Variants in LIN28A observed in about 807,000 individuals in gnomAD.
LIN28A encodes protein lin-28 homolog A.
In LIN28A, 11 loss-of-function variants were observed where a neutral mutation model predicts 21.1. That is an observed-to-expected ratio of 0.52 (90% CI 0.33 to 0.86). The LOEUF is 0.86. LIN28A is among the 40% of genes least tolerant of loss of function. The probability of loss-of-function intolerance (pLI) is 0.03; values close to 1 mark genes in which losing one functional copy is unlikely to be tolerated. For synonymous variants in LIN28A, 111 were observed against 108.7 expected (o/e 1.02, Z -0.13); for missense variants, 219 against 279.8 (o/e 0.78, Z 1.55).
chr1:26,414,942 G>T (rs2074984465), intron 2 of LIN28A, among the ~76,000 whole-genome samples: 1 of 152,102 alleles, frequency 6.6e-6, no homozygotes. Flanking sequence ...ATTTTCCTGA[G>T]ATTCATCAAG....
chr1:26,416,242 C>T (rs575189946), intron 2 of LIN28A, among the ~76,000 whole-genome samples: 82 of 152,272 alleles, frequency 5.4e-4, no homozygotes, highest in Middle Eastern at 3.4e-3. Flanking sequence ...ATCCACCTGC[C>T]TGGGACTCCC....
rs1407615100 is a variant in LIN28A at position 26,428,155 on chromosome 1, G to A, written c.*1697G>A. 7 of 152,568 alleles carry A rather than the reference G, an allele frequency of 4.6e-5. No homozygotes were observed. Among genetic ancestry groups the A allele is most frequent in the Non-Finnish European group, 1.0e-4 (7 of 68,036 alleles). 9.5% of individuals were successfully genotyped at this position (152,568 alleles called of 1,614,324 possible). Reference sequence around the variant, plus strand: ...ATTGGTCTTTCTCCGTGTTCTTTGGGGGTTTTGTTTACAAACTTCTTTTTG... The same window carrying A: ...ATTGGTCTTTCTCCGTGTTCTTTGGAGGTTTTGTTTACAAACTTCTTTTTG... On this transcript the variant is annotated 3_prime_UTR_variant, in exon 4 of 4. Coordinates refer to ENST00000326279, the MANE Select transcript of LIN28A (RefSeq NM_024674.6).
intron 2 of LIN28A, among the ~76,000 whole-genome samples, chr1:26,418,746 G>A (rs2075011885): frequency 1.3e-5 from 2 of 152,142 alleles, no homozygotes; most frequent in African/African-American, 4.8e-5. Context: ...CCAAGGGGAG[G>A]GGGTCCTGTT....
chr1:26,425,512 T>C (rs746813709), intron 3 of LIN28A, 25 bp downstream of exon 3: 22 of 1,607,472 alleles, frequency 1.4e-5, no homozygotes, highest in Non-Finnish European at 1.8e-5. Context: ...GCAGCTTATA[T>C]AGGTTGCTAA....
Position 26,411,672 on chromosome 1 carries a change from GC to G in LIN28A, c.228+92del. 1 of 1,298,758 alleles carries G rather than the reference GC, an allele frequency of 7.7e-7. No individual in the cohort carries two copies. The highest frequency in any genetic ancestry group is 2.2e-5 in the Admixed American group (1 of 45,100). 80.5% of individuals were successfully genotyped at this position (1,298,758 alleles called of 1,614,324 possible). On this transcript the variant is annotated intron_variant, in intron 2 of 3. Transcript: ENST00000326279. This position sits in a 1 kb window ranked among gnomAD's most constrained non-coding sequence, Gnocchi z 5.4. ...CTCCGGGCTCGCAGTTGAATTGAGG[GC>G]CATCGGGAGCCCTCATTATGCATCC...
chr1:26,418,261 C>T (rs894120740), intron 2 of LIN28A, among the ~76,000 whole-genome samples: 1 of 152,006 alleles, frequency 6.6e-6, no homozygotes, highest in Non-Finnish European at 1.5e-5. Context: ...AAAAGAAATG[C>T]TTGGGGTGGG....
chr1:26,416,980 C>A (rs1344545878), intron 2 of LIN28A, among the ~76,000 whole-genome samples: 1 of 141,142 alleles, frequency 7.1e-6, no homozygotes, highest in Non-Finnish European at 1.5e-5. Flanking sequence ...AATATAAGAA[C>A]TGAGTTTCTG....
chr1:26,426,213 C>T (rs2075058345), intron 3 of LIN28A, 29 bp from the exon 4 acceptor site: 1 of 1,594,098 alleles, frequency 6.3e-7, no homozygotes. Flanking sequence ...GCTCCTTTCT[C>T]TTACTTTTAC....
At chr1:26,412,648 G>A (rs939778305) in intron 2 of LIN28A, among the ~76,000 whole-genome samples, 2 of 152,030 alleles carry the variant, frequency 1.3e-5, no homozygotes, top group African/African-American at 4.8e-5. Flanking sequence ...GCAGGGAGGG[G>A]TTACTTAAGG....
At position 26,427,676 on chromosome 1, in the gene LIN28A, C is replaced by T. The variant is rs1361067017; in HGVS notation, c.*1218C>T. The T allele has an allele frequency of 6.6e-6, 1 of 152,174 alleles. No homozygotes were observed. Among genetic ancestry groups the T allele is most frequent in the African/African-American group, 2.4e-5 (1 of 41,424 alleles). 9.4% of individuals were successfully genotyped at this position (152,174 alleles called of 1,614,324 possible). On this transcript the variant is annotated 3_prime_UTR_variant, in exon 4 of 4. Coordinates refer to ENST00000326279, the MANE Select transcript of LIN28A (RefSeq NM_024674.6). ...CAGATTAGGTTAGGCCTACCATGTG[C>T]CACAGGGTGTGTGTGTGTTTGTAAA...
chr1:26,417,178 G>A (rs1004576678), intron 2 of LIN28A, among the ~76,000 whole-genome samples: 1 of 152,168 alleles, frequency 6.6e-6, no homozygotes, highest in Admixed American at 6.5e-5. Flanking sequence ...AGGCGCCCTC[G>A]GGCTTACCTT....
At position 26,421,084 on chromosome 1, in the gene LIN28A, C is replaced by T. The variant is rs530915066; in HGVS notation, c.229-4219C>T. 2.0e-5 allele frequency among the ~76,000 whole-genome samples: 3 copies of T among 151,944 alleles called. No homozygotes were observed. In the South Asian group the frequency reaches 6.2e-4, roughly 31 times the overall value. On this transcript the variant is annotated intron_variant, in intron 2 of 3. Transcript: ENST00000326279. Reference sequence around the variant, plus strand: ...TAACTGCTTTATAAATATCAGTGTCCTTAAATTTTGGTACAAACGTGCAGT... The same window carrying T: ...TAACTGCTTTATAAATATCAGTGTCTTTAAATTTTGGTACAAACGTGCAGT...
chr1:26,425,593 C>T (rs1204245031), intron 3 of LIN28A, 106 bp downstream of exon 3: 14 of 1,088,434 alleles, frequency 1.3e-5, no homozygotes, highest in African/African-American at 7.9e-5. Flanking sequence ...AGCCTGTGGT[C>T]CCTGGCAGCA....
intron 2 of LIN28A, among the ~76,000 whole-genome samples, chr1:26,414,127 G>T (rs1413176799): frequency 1.3e-5 from 2 of 152,028 alleles, no homozygotes; most frequent in Non-Finnish European, 1.5e-5. Flanking sequence ...CCACTCTTCT[G>T]CATTTGTGAA....
At chr1:26,420,315 G>A (rs915156457) in intron 2 of LIN28A, among the ~76,000 whole-genome samples, 6 of 152,058 alleles carry the variant, frequency 3.9e-5, no homozygotes, top group South Asian at 2.1e-4. Context: ...CAGCGAGAGA[G>A]GTATTGCACC....
At chr1:26,415,852 T>G (rs2074990028) in intron 2 of LIN28A, among the ~76,000 whole-genome samples, 1 of 152,156 alleles carries the variant, frequency 6.6e-6, no homozygotes, top group Non-Finnish European at 1.5e-5. Flanking sequence ...TCTGTCTTAA[T>G]AAGAAAAGGC....
Position 26,413,797 on chromosome 1 carries a change from TTTTGTTTG to T in LIN28A, c.228+2234_228+2241del, listed in dbSNP as rs150759689. Among the ~76,000 whole-genome samples, 788 of 143,340 alleles carry T rather than the reference TTTTGTTTG, an allele frequency of 5.5e-3. 6 individuals are homozygous for T. Among genetic ancestry groups the T allele is most frequent in the African/African-American group, 0.017 (636 of 38,168 alleles). The allele number at this position is 143,340 out of a possible 152,430, so 94.0% of individuals were successfully genotyped here. A position where few individuals can be genotyped will look rare whatever the true frequency, so the allele number is the denominator to read the frequency against. Reference sequence around the variant, plus strand: ...GTGATTCCAGTCTTTGCACTTGTTTTTTTGTTTGTTTGTTTGTTTGTTTGTTGCTTTTT... The same window carrying T: ...GTGATTCCAGTCTTTGCACTTGTTTTTTTGTTTGTTTGTTTGTTGCTTTTT... On this transcript the variant is annotated intron_variant, in intron 2 of 3. Transcript: ENST00000326279.
rs962747251 is a variant in LIN28A at position 26,411,726 on chromosome 1, G to A, written c.228+144G>A. 1.2e-5 allele frequency: 9 copies of A among 777,270 alleles called. No homozygotes were observed. The highest frequency in any genetic ancestry group is 5.9e-5 in the Admixed American group (2 of 34,014). The allele number at this position is 777,270 out of a possible 1,614,324, so 48.1% of individuals were successfully genotyped here. On this transcript the variant is annotated intron_variant, in intron 2 of 3. Coordinates refer to ENST00000326279, the MANE Select transcript of LIN28A (RefSeq NM_024674.6). This position sits in a 1 kb window ranked among gnomAD's most constrained non-coding sequence, Gnocchi z 5.4. ...GTCTTTGCTTCGGCACCCCAATTCT[G>A]AGTCCCTGTTAACTATCTCGTGGGG... is the stretch of plus-strand genomic sequence containing the variant.
intron 2 of LIN28A, among the ~76,000 whole-genome samples, chr1:26,423,920 G>A (rs1326810883): frequency 6.6e-6 from 1 of 151,646 alleles, no homozygotes; most frequent in East Asian, 2.0e-4. Flanking sequence ...CCGCCACCAC[G>A]CCTGGCTAAT....
Sources: allele counts gnomAD v4.1 joint callset (sites outside exome capture counted in the v4.1 genomes callset), GRCh38; gene constraint gnomAD v4.1.1; non-coding constraint Gnocchi (gnomAD v3.1); transcripts MANE v1.5; gene names NCBI Gene and HGNC (gene_info 2026-07-23, HGNC 2026-07-21).